Variants in VPS45 observed in about 807,000 individuals in gnomAD.
VPS45 encodes vacuolar protein sorting-associated protein 45.
Under a neutral mutation model 75.9 loss-of-function variants are expected in VPS45, and 35 were observed. The observed-to-expected ratio is 0.46, with a 90% CI of 0.35 to 0.61. VPS45 has a LOEUF of 0.61. VPS45 is among the 20% of genes least tolerant of loss of function. VPS45 has a pLI of 0.00. For missense variants in VPS45, 559 were observed against 685.9 expected (o/e 0.81, Z 2.07); for synonymous variants, 220 against 238.2 (o/e 0.92, Z 0.70).
chr1:150,115,432 T>A (rs1450957669), intron 14 of VPS45, among the ~76,000 whole-genome samples: 1 of 152,132 alleles, frequency 6.6e-6, no homozygotes, highest in Non-Finnish European at 1.5e-5. Context: ...TTCTCATGTT[T>A]TCAAATCCTT....
chr1:150,131,989 A>G lies in VPS45; in HGVS notation c.1626-12720A>G, dbSNP rs1658863919. Among the ~76,000 whole-genome samples, 3 of 152,216 alleles carry G rather than the reference A, an allele frequency of 2.0e-5. No homozygotes were observed. The South Asian group carries it at 6.2e-4, about 32-fold the overall frequency. On this transcript the variant is annotated intron_variant, in intron 14 of 14. Transcript: ENST00000644510. ...GAAGAGACCAATGAATAAATGAGAA[A>G]GAAATGGAGGCAAGAGTCAGCAAGG... is the stretch of plus-strand genomic sequence containing the variant.
At chr1:150,128,446 G>T (rs1393773531) in intron 14 of VPS45, among the ~76,000 whole-genome samples, 1 of 152,010 alleles carries the variant, frequency 6.6e-6, no homozygotes. Context: ...TACAGCTAAG[G>T]GCCTAAAAAA....
At chr1:150,119,305 G>T (rs1658106226) in intron 14 of VPS45, among the ~76,000 whole-genome samples, 1 of 152,096 alleles carries the variant, frequency 6.6e-6, no homozygotes, top group South Asian at 2.1e-4. Flanking sequence ...TTTTATACCT[G>T]GATATAGTAG....
At chr1:150,126,847 T>G (rs1476091812) in intron 14 of VPS45, among the ~76,000 whole-genome samples, 2 of 152,120 alleles carry the variant, frequency 1.3e-5, no homozygotes, top group Non-Finnish European at 2.9e-5. Context: ...GCACCTGTAA[T>G]CATAGCTACA....
At position 150,072,216 on chromosome 1, in the gene VPS45, A is replaced by G. The variant is rs1559900072; in HGVS notation, c.279A>G (p.Ile93Met). The G allele has an allele frequency of 6.3e-7, 1 of 1,599,488 alleles. No individual in the cohort carries two copies. Among genetic ancestry groups the G allele is most frequent in the Non-Finnish European group, 8.5e-7 (1 of 1,171,612 alleles). ...IQELRRPKYT[I>M]YFIYFSNVIS... is the part of the protein sequence containing the mutation. ...AGCTCCGAAGACCCAAATACACTAT[A>G]TATTTCATTTGTAAGTATGTTAGTT... The change falls in exon 3 of 15, where the codon ATA becomes ATG. Residue 93 changes from isoleucine (I) to methionine (M), a missense_variant. By Grantham distance (10) the Ile-to-Met change is conservative. Transcript: ENST00000644510.
intron 3 of VPS45, among the ~76,000 whole-genome samples, chr1:150,074,714 T>C (rs1241551876): frequency 6.6e-6 from 1 of 152,154 alleles, no homozygotes; most frequent in Non-Finnish European, 1.5e-5. Flanking sequence ...AGTAGAATAG[T>C]ATCATAAGTT....
intron 14 of VPS45, among the ~76,000 whole-genome samples, chr1:150,113,038 G>T (rs1204427515): frequency 1.3e-5 from 2 of 152,122 alleles, no homozygotes; most frequent in African/African-American, 2.4e-5. Context: ...TTTTATGGAG[G>T]TTTCGTTATG....
chr1:150,127,047 A>G (rs1345868992), intron 14 of VPS45, among the ~76,000 whole-genome samples: 1 of 152,238 alleles, frequency 6.6e-6, no homozygotes, highest in Non-Finnish European at 1.5e-5. Context: ...GGGCTATTAC[A>G]ATTCCTAAAG....
chr1:150,105,391 T>G (rs1292418267), intron 13 of VPS45, among the ~76,000 whole-genome samples: 2 of 152,178 alleles, frequency 1.3e-5, no homozygotes, highest in African/African-American at 4.8e-5. Flanking sequence ...CTCTAGAAGA[T>G]TCCTAGACTT....
At chr1:150,141,699 ACT>A (rs1233992403) in intron 14 of VPS45, among the ~76,000 whole-genome samples, 2 of 151,960 alleles carry the variant, frequency 1.3e-5, no homozygotes, top group African/African-American at 4.8e-5. Context: ...GCATTAATCC[ACT>A]CTGTTAGTTT....
chr1:150,142,704 C>T (rs1212900874), intron 14 of VPS45: 8 of 316,564 alleles, frequency 2.5e-5, no homozygotes, highest in East Asian at 2.0e-4. Flanking sequence ...TCACTCCTGT[C>T]GCCCAGGTTG....
At chr1:150,135,621 T>C (rs1290997983) in intron 14 of VPS45, among the ~76,000 whole-genome samples, 2 of 151,688 alleles carry the variant, frequency 1.3e-5, no homozygotes, top group African/African-American at 4.8e-5. Flanking sequence ...TAAGCTGATA[T>C]ACCAATCTGG....
chr1:150,110,957 G>T (rs939197853), intron 14 of VPS45, among the ~76,000 whole-genome samples: 1 of 151,900 alleles, frequency 6.6e-6, no homozygotes, highest in African/African-American at 2.4e-5. Context: ...TAAAAATTGG[G>T]TTTTTTTTAA....
intron 13 of VPS45, among the ~76,000 whole-genome samples, chr1:150,107,845 G>T (rs1295723858): frequency 6.6e-6 from 1 of 152,186 alleles, no homozygotes; most frequent in East Asian, 1.9e-4. Context: ...AGGTTGCAGT[G>T]AGCTGACATT....
At chr1:150,101,653 G>A (rs898413886) in intron 13 of VPS45, among the ~76,000 whole-genome samples, 6 of 151,960 alleles carry the variant, frequency 3.9e-5, no homozygotes, top group African/African-American at 1.4e-4. Flanking sequence ...AGAATGGCTT[G>A]AACCCGGGAG....
chr1:150,075,977 C>T (rs1479215048), intron 3 of VPS45, among the ~76,000 whole-genome samples: 2 of 151,532 alleles, frequency 1.3e-5, no homozygotes, highest in African/African-American at 4.9e-5. Flanking sequence ...TGGTCTCGAT[C>T]TCCTGACCTC....
At chr1:150,120,146 A>G (rs587688468) in intron 14 of VPS45, among the ~76,000 whole-genome samples, 1 of 152,304 alleles carries the variant, frequency 6.6e-6, no homozygotes, top group East Asian at 1.9e-4. Context: ...AAACAGATTT[A>G]TTCTGCATGC....
intron 2 of VPS45, 72 bp downstream of exon 2, chr1:150,068,836 C>T (rs1337374023): frequency 3.0e-6 from 4 of 1,355,480 alleles, no homozygotes; most frequent in Non-Finnish European, 3.9e-6. Flanking sequence ...ATTAAGAAGG[C>T]AAAATAAATT....
intron 7 of VPS45, among the ~76,000 whole-genome samples, chr1:150,079,594 G>GT (rs1655582198): frequency 6.6e-6 from 1 of 152,146 alleles, no homozygotes; most frequent in Non-Finnish European, 1.5e-5. Context: ...TTTTAGTACA[G>GT]ACAAGGTTTC....
Sources: gnomAD v4.1 joint callset for allele counts (sites outside exome capture counted in the v4.1 genomes callset) on GRCh38, gnomAD v4.1.1 for gene constraint, MANE v1.5 for transcripts, NCBI Gene and HGNC (gene_info 2026-07-23, HGNC 2026-07-21) for gene names.